The following CATSPERD variants were observed in gnomAD, a reference collection of about 807,000 sequenced individuals.
CATSPERD encodes the protein cation channel sperm-associated auxiliary subunit delta.
CATSPERD carries 86 observed loss-of-function variants against 98.1 expected under a neutral mutation model. The ratio of observed to expected loss-of-function variants is 0.88; its 90% CI spans 0.74 to 1.05. The LOEUF (loss-of-function observed/expected upper bound fraction) is 1.05. Ranked by LOEUF, CATSPERD falls within the 50% of genes least tolerant of loss-of-function variation. The probability of loss-of-function intolerance (pLI) is 0.00; values close to 1 mark genes in which losing one functional copy is unlikely to be tolerated. For missense variants in CATSPERD, 995 were observed against 1,005.7 expected (o/e 0.99, Z 0.14); for synonymous variants, 394 against 390.2 (o/e 1.01, Z -0.12).
chr19:5,773,181 G>A (rs1196580892), intron 20 of CATSPERD, among the ~76,000 whole-genome samples: 3 of 152,116 alleles, frequency 2.0e-5, no homozygotes, highest in Non-Finnish European at 2.9e-5. Context: ...GCAAAAGCCC[G>A]TCTCTACTAA....
chr19:5,763,751 C>T (rs1468353326), intron 16 of CATSPERD, among the ~76,000 whole-genome samples: 1 of 151,178 alleles, frequency 6.6e-6, no homozygotes, highest in African/African-American at 2.4e-5. Context: ...TCCCAAAGCT[C>T]CCACACTTAC....
At chr19:5,723,458 ATTTTTTT>A (rs773822808) in intron 1 of CATSPERD, among the ~76,000 whole-genome samples, 37 of 90,924 alleles carry the variant, frequency 4.1e-4, no homozygotes, top group African/African-American at 1.4e-3. Context: ...TGCCCAGCTA[ATTTTTTT>A]TTTTTTTTTT....
Position 5,776,255 on chromosome 19 carries a change from T to C in CATSPERD, c.2036T>C (p.Ile679Thr). 1.2e-6 allele frequency: 2 copies of C among 1,614,158 alleles called. No homozygotes were observed. The highest frequency in any genetic ancestry group is 1.7e-6 in the Non-Finnish European group (2 of 1,180,040). The change falls in exon 21 of 22, where the codon ATC becomes ACC. Residue 679 changes from isoleucine to threonine, a missense_variant. Ile to Thr is a moderately conservative substitution (Grantham distance 89). This residue lies in a region of CATSPERD where 762 missense variants were observed against 773.7 expected (regional missense o/e 0.98). Transcript: ENST00000381624. ...TTGGGCGGCCGGACAGCAAACCAGA[T>C]CATTTTCGGCCACAATGGCTTTTAT... ...QILGGRTANQIIFGHNGFYVF... is the reference protein window; with the variant it reads ...QILGGRTANQTIFGHNGFYVF...
At chr19:5,772,214 A>ATTT (rs35847357) in intron 19 of CATSPERD, 5,068 of 154,326 alleles carry the variant, frequency 0.033, 441 homozygotes, top group Non-Finnish European at 0.039. Flanking sequence ...TGCCCGGTTA[A>ATTT]TTTTTTTTTT....
intron 12 of CATSPERD, among the ~76,000 whole-genome samples, chr19:5,752,130 G>A (rs890581977): frequency 2.0e-5 from 3 of 152,082 alleles, no homozygotes; most frequent in African/African-American, 4.8e-5. Context: ...CCAACATGGT[G>A]ACACCCCATC....
rs375668657 is a variant in CATSPERD at position 5,729,759 on chromosome 19, CT to C, written c.204-112del. 2.8e-4 allele frequency: 173 copies of C among 623,022 alleles called. 2 individuals are homozygous for C. In the East Asian group the frequency reaches 4.5e-3, roughly 16 times the overall value. The allele number at this position is 623,022 out of a possible 1,614,324, so 38.6% of individuals were successfully genotyped here. A position where few individuals can be genotyped will look rare whatever the true frequency, so the allele number is the denominator to read the frequency against. On this transcript the variant is annotated intron_variant, in intron 3 of 21. Coordinates refer to ENST00000381624, the MANE Select transcript of CATSPERD (RefSeq NM_152784.4). ...TAAGTAAATTATATCTAAATGACTC[CT>C]GGTTACAATACAAATTTTGTTTGAA...
intron 20 of CATSPERD, chr19:5,775,305 C>A (rs1353126835): frequency 1.1e-5 from 5 of 470,916 alleles, no homozygotes; most frequent in Non-Finnish European, 2.2e-5. Context: ...TAAAGGCAGT[C>A]CCTCAAGCTT....
At chr19:5,758,058 G>A in intron 14 of CATSPERD, 126 bp downstream of exon 14, 1 of 704,632 alleles carries the variant, frequency 1.4e-6, no homozygotes, top group South Asian at 2.0e-5. Flanking sequence ...CCCCGCGGTG[G>A]GAAGATGATC....
At position 5,723,822 on chromosome 19, in the gene CATSPERD, G is replaced by C. The variant is rs552230852; in HGVS notation, c.72-986G>C. On this transcript the variant is annotated intron_variant, in intron 1 of 21. Transcript: ENST00000381624. ...ATGGAGTTTCACTCTTGTTGCCCGGGCTGGAGTGCAATGGTGCAATCTCAG... is the reference window on the plus strand; with the variant it reads ...ATGGAGTTTCACTCTTGTTGCCCGGCCTGGAGTGCAATGGTGCAATCTCAG... Among the ~76,000 whole-genome samples, 3 of 150,838 alleles carry C rather than the reference G, an allele frequency of 2.0e-5. No homozygotes were observed. The South Asian group carries it at 6.4e-4, about 32-fold the overall frequency.
chr19:5,767,371 G>A (rs1174785333), intron 17 of CATSPERD, among the ~76,000 whole-genome samples: 3 of 147,380 alleles, frequency 2.0e-5, no homozygotes, highest in Non-Finnish European at 3.0e-5. Context: ...AAAGTGCAGA[G>A]CCATTTCCTG....
At chr19:5,763,326 G>C in intron 16 of CATSPERD, 33 bp downstream of exon 16, 1 of 1,561,082 alleles carries the variant, frequency 6.4e-7, no homozygotes. Flanking sequence ...CCCATATTCG[G>C]TGTCATAAGT....
intron 17 of CATSPERD, among the ~76,000 whole-genome samples, chr19:5,767,644 G>A (rs919700151): frequency 8.0e-5 from 12 of 150,384 alleles, no homozygotes; most frequent in African/African-American, 2.2e-4. Context: ...CCGCCACCAT[G>A]CCCAGCTAAT....
intron 7 of CATSPERD, among the ~76,000 whole-genome samples, chr19:5,739,652 C>T (rs900185846): frequency 2.0e-5 from 3 of 151,044 alleles, no homozygotes. Context: ...GGTGACATGG[C>T]AAGACCCCAT....
Position 5,720,728 on chromosome 19 carries a change from G to A in CATSPERD, c.-10G>A, listed in dbSNP as rs776535466. On this transcript the variant is annotated 5_prime_UTR_variant, in exon 1 of 22. Coordinates refer to ENST00000381624, the MANE Select transcript of CATSPERD (RefSeq NM_152784.4). Reference sequence around the variant, plus strand: ...TTGAGGGGCAGTGGTGGCGGCGGAAGCCCAAGTCGATGCTGATGTTGATGC... The same window carrying A: ...TTGAGGGGCAGTGGTGGCGGCGGAAACCCAAGTCGATGCTGATGTTGATGC... 1.2e-6 allele frequency: 2 copies of A among 1,605,864 alleles called. No individual in the cohort carries two copies. The highest frequency in any genetic ancestry group is 1.3e-5 in the African/African-American group (1 of 75,038).
At chr19:5,763,153 A>G in intron 15 of CATSPERD, 62 bp from the exon 16 acceptor site, 1 of 1,222,882 alleles carries the variant, frequency 8.2e-7, no homozygotes, top group Non-Finnish European at 1.2e-6. Context: ...GATGAATGGA[A>G]TGCAGCTGTG....
Position 5,720,828 on chromosome 19 carries a change from T to C in CATSPERD, c.71+20T>C, listed in dbSNP as rs1347379288. 2 of 1,589,270 alleles carry C rather than the reference T, an allele frequency of 1.3e-6. No homozygotes were observed. Among genetic ancestry groups the C allele is most frequent in the East Asian group, 2.2e-5 (1 of 44,526 alleles). ...CTGTCGGTGGGGCTGCCAGGACTCC[T>C]GGGGCTGGGGTGCTGCCGGGGGTCG... is the stretch of plus-strand genomic sequence containing the variant. On this transcript the variant is annotated intron_variant, in intron 1 of 21. Coordinates refer to ENST00000381624, the MANE Select transcript of CATSPERD (RefSeq NM_152784.4).
At chr19:5,742,340 ATG>A (rs947738004) in intron 7 of CATSPERD, among the ~76,000 whole-genome samples, 23 of 61,282 alleles carry the variant, frequency 3.8e-4, no homozygotes, top group Middle Eastern at 0.01. Context: ...ATGTGTGTAC[ATG>A]TGTGTGTGTG....
chr19:5,742,306 A>G (rs2056002186), intron 7 of CATSPERD, among the ~76,000 whole-genome samples: 2 of 137,284 alleles, frequency 1.5e-5, no homozygotes, highest in Non-Finnish European at 3.2e-5. Flanking sequence ...ACGTATGTGA[A>G]TGTGTGTGTG....
chr19:5,759,138 C>T lies in CATSPERD; in HGVS notation c.1421C>T (p.Thr474Ile). 1 of 1,613,958 alleles carries T rather than the reference C, an allele frequency of 6.2e-7. No individual in the cohort carries two copies. The highest frequency in any genetic ancestry group is 8.5e-7 in the Non-Finnish European group (1 of 1,179,910). Residue 474 changes from threonine to isoleucine, a missense_variant, in exon 15 of 22, where the codon ACT becomes ATT. Thr to Ile is a moderately conservative substitution (Grantham distance 89, BLOSUM62 -1). Coordinates refer to ENST00000381624, the MANE Select transcript of CATSPERD (RefSeq NM_152784.4). ...QHWGRTDSNF[T>I]SSLKKATMST... ...TGGGGCAGGACCGACTCCAACTTCACTTCCAGGTATGTTGTCTCCTGGGAG... is the reference window on the plus strand; with the variant it reads ...TGGGGCAGGACCGACTCCAACTTCATTTCCAGGTATGTTGTCTCCTGGGAG...
Sources: gnomAD v4.1 joint callset for allele counts (sites outside exome capture counted in the v4.1 genomes callset) on GRCh38, gnomAD v4.1.1 for gene constraint, gnomAD v4.1.1 regional missense constraint, MANE v1.5 for transcripts, NCBI Gene and HGNC (gene_info 2026-07-23, HGNC 2026-07-21) for gene names.